Variants in LETMD1 observed in about 807,000 individuals in gnomAD.
LETMD1 encodes the protein LETM1 domain-containing protein 1.
A neutral mutation model predicts 43.9 loss-of-function variants in LETMD1; 30 were observed. That is an observed-to-expected ratio of 0.68 (90% confidence interval 0.51 to 0.93). The LOEUF is 0.93. LETMD1 is among the 40% of genes least tolerant of loss of function. The pLI, the probability that LETMD1 is intolerant of heterozygous loss-of-function variation, is 0.00. For synonymous variants in LETMD1, 176 were observed against 163.1 expected (o/e 1.08, Z -0.60); for missense variants, 413 against 447.7 (o/e 0.92, Z 0.70).
the LETMD1 span, chr12:51,067,977 G>A: frequency 1.9e-6 from 3 of 1,611,534 alleles, no homozygotes; most frequent in South Asian, 1.1e-5. The surrounding 1 kb of genome is among the most constrained non-coding windows in gnomAD (Gnocchi z 4.1). Context: ...CAGCTGCCAA[G>A]AGACAGGAAA....
At position 51,055,981 on chromosome 12, in the gene LETMD1, A is replaced by T; in HGVS notation, c.620A>T (p.Asp207Val). The T allele has an allele frequency of 6.2e-7, 1 of 1,614,186 alleles. No individual in the cohort carries two copies. The highest frequency in any genetic ancestry group is 8.5e-7 in the Non-Finnish European group (1 of 1,180,018). Residue 207 changes from aspartate (D) to valine (V), a missense_variant, in exon 5 of 9, where the codon GAT (aspartate) becomes GTT (valine). Transcript: ENST00000262055. Reference sequence around the variant, plus strand: ...GAAAAGGTCATCCCTCTCATTTCTGATGCAGGACTCCGGTGGCGTCTGACA... The same window carrying T: ...GAAAAGGTCATCCCTCTCATTTCTGTTGCAGGACTCCGGTGGCGTCTGACA... The part of the protein sequence containing the change: ...YLEKVIPLIS[D>V]AGLRWRLTDL...
At chr12:51,067,952 T>C in the LETMD1 span, 1,656 of 1,613,562 alleles carry the variant, frequency 1.0e-3, 2 homozygotes, top group Non-Finnish European at 9.3e-4. The surrounding 1 kb of genome is among the most constrained non-coding windows in gnomAD (Gnocchi z 4.1). Context: ...CCGACTCCAC[T>C]GTCCCATTCT....
chr12:51,056,610 G>T (rs1947821005), intron 7 of LETMD1, 108 bp downstream of exon 7: 9 of 912,112 alleles, frequency 9.9e-6, no homozygotes, highest in Non-Finnish European at 1.6e-5. Context: ...ATAGAACCCA[G>T]CTTCTTTATT....
At chr12:51,049,434 A>G in intron 2 of LETMD1, 1 of 398,658 alleles carries the variant, frequency 2.5e-6, no homozygotes, top group Non-Finnish European at 4.6e-6. Context: ...ATGTTCTCGT[A>G]CTTTCTTAAC....
chr12:51,048,644 T>G, intron 1 of LETMD1, 166 bp downstream of exon 1: 1 of 821,558 alleles, frequency 1.2e-6, no homozygotes, highest in Non-Finnish European at 1.9e-6. Flanking sequence ...TGACCCGGCT[T>G]CCTGACCCTC....
chr12:51,053,075 G>A (rs1401005504), intron 3 of LETMD1, among the ~76,000 whole-genome samples: 2 of 151,590 alleles, frequency 1.3e-5, no homozygotes, highest in African/African-American at 4.9e-5. Flanking sequence ...TCGCGCCACT[G>A]CACTCCAGCC....
At chr12:51,067,984 G>A in the LETMD1 span, 1 of 1,610,472 alleles carries the variant, frequency 6.2e-7, no homozygotes, top group Non-Finnish European at 8.5e-7. The surrounding 1 kb of genome is among the most constrained non-coding windows in gnomAD (Gnocchi z 4.1). Flanking sequence ...CAAGAGACAG[G>A]AAAGGTTAGC....
intron 2 of LETMD1, among the ~76,000 whole-genome samples, chr12:51,051,233 G>T (rs1264041460): frequency 6.7e-6 from 1 of 150,324 alleles, no homozygotes; most frequent in African/African-American, 2.5e-5. Flanking sequence ...GTGAAACCCA[G>T]TCTCTATTAA....
Position 51,060,278 on chromosome 12 carries a change from C to T in LETMD1, c.*847C>T, listed in dbSNP as rs915553874. 11 of 152,670 alleles carry T rather than the reference C, an allele frequency of 7.2e-5. No homozygotes were observed. The highest frequency in any genetic ancestry group is 2.7e-4 in the African/African-American group (11 of 41,448). The allele number at this position is 152,670 out of a possible 1,614,324, so 9.5% of individuals were successfully genotyped here. On this transcript the variant is annotated 3_prime_UTR_variant, in exon 9 of 9. Coordinates refer to ENST00000262055, the MANE Select transcript of LETMD1 (RefSeq NM_015416.5). Reference sequence around the variant, plus strand: ...TAATTACTGCCCAGCCTGGGGAGATCAGGAGAGGTCTGCATAGTTAGTAAG... The same window carrying T: ...TAATTACTGCCCAGCCTGGGGAGATTAGGAGAGGTCTGCATAGTTAGTAAG...
At position 51,049,175 on chromosome 12, in the gene LETMD1, C is replaced by A; in HGVS notation, c.264C>A (p.Ile88=). Residue 88 remains isoleucine (I), a synonymous_variant, in exon 2 of 9, where the codon ATC becomes ATA. Transcript: ENST00000262055. Reference sequence around the variant, plus strand: ...CCCGCTTCTATGTCCTGTACACAATCTTCATGAAAGGTAAAAACGAAACTA... The same window carrying A: ...CCCGCTTCTATGTCCTGTACACAATATTCATGAAAGGTAAAAACGAAACTA... ...HFPRFYVLYT[I]FMKGLQMLWA... 3 of 1,610,024 alleles carry A rather than the reference C, an allele frequency of 1.9e-6. No homozygotes were observed. Among genetic ancestry groups the A allele is most frequent in the Non-Finnish European group, 2.5e-6 (3 of 1,178,286 alleles).
intron 3 of LETMD1, among the ~76,000 whole-genome samples, chr12:51,053,112 CAA>C (rs35117894): frequency 1.9e-4 from 27 of 142,918 alleles, no homozygotes; most frequent in Admixed American, 4.2e-4. Context: ...AACTCTGTCT[CAA>C]AAAAAAAAAA....
At position 51,049,199 on chromosome 12, in the gene LETMD1, T is replaced by A. The variant is rs766353061; in HGVS notation, c.274+14T>A. ...TCTTCATGAAAGGTAAAAACGAAACTACAATAGAAATTCCGGAATCAGCTC... is the reference window on the plus strand; with the variant it reads ...TCTTCATGAAAGGTAAAAACGAAACAACAATAGAAATTCCGGAATCAGCTC... On this transcript the variant is annotated intron_variant, in intron 2 of 8. Coordinates refer to ENST00000262055, the MANE Select transcript of LETMD1 (RefSeq NM_015416.5). The A allele has an allele frequency of 2.5e-6, 4 of 1,602,400 alleles. No individual in the cohort carries two copies. The Admixed American group carries it at 6.9e-5, about 28-fold the overall frequency.
At chr12:51,048,728 C>G (rs1337698973) in intron 1 of LETMD1, 1 of 605,976 alleles carries the variant, frequency 1.7e-6, no homozygotes, top group East Asian at 2.8e-5. Flanking sequence ...ACTTTTTCGG[C>G]TCAGGTTTTA....
At chr12:51,060,814 A>G (rs1030523223), downstream of LETMD1, among the ~76,000 whole-genome samples, 1 of 150,070 alleles carries the variant, frequency 6.7e-6, no homozygotes, top group Non-Finnish European at 1.5e-5. Flanking sequence ...AGGCAGGAGA[A>G]TGGCGTGAAC....
chr12:51,068,043 G>T, the LETMD1 span: 1 of 1,412,776 alleles, frequency 7.1e-7, no homozygotes, highest in Non-Finnish European at 9.8e-7. Flanking sequence ...TCCCAGAGCA[G>T]CACTGTCCCT....
At chr12:51,056,774 C>G (rs949528850) in intron 7 of LETMD1, 1 of 282,078 alleles carries the variant, frequency 3.5e-6, no homozygotes, top group African/African-American at 2.3e-5. Flanking sequence ...CTACCTCAGC[C>G]TCCCAAGTAG....
At position 51,055,898 on chromosome 12, in the gene LETMD1, C is replaced by G; in HGVS notation, c.537C>G (p.Phe179Leu). ...GGACCCCAAAACAACAAACTGATTT[C>G]TTAGATATCTATCATGCTTTCCGGA... ...HFWTPKQQTD[F>L]LDIYHAFRKQ... The change falls in exon 5 of 9, where the codon TTC becomes TTG. Residue 179 changes from phenylalanine (F) to leucine (L), a missense_variant. By Grantham distance (22) the Phe-to-Leu change is conservative. Coordinates refer to ENST00000262055, the MANE Select transcript of LETMD1 (RefSeq NM_015416.5). 6.2e-7 allele frequency: 1 copy of G among 1,613,978 alleles called. No homozygotes were observed. Among genetic ancestry groups the G allele is most frequent in the Non-Finnish European group, 8.5e-7 (1 of 1,179,938 alleles).
At chr12:51,051,733 A>G (rs1368460908) in intron 2 of LETMD1, among the ~76,000 whole-genome samples, 2 of 152,164 alleles carry the variant, frequency 1.3e-5, no homozygotes, top group Non-Finnish European at 2.9e-5. Context: ...AAGTTCCAGA[A>G]AGGAGATTAA....
chr12:51,064,676 G>A (rs4768957), downstream of LETMD1: 59,562 of 1,506,764 alleles, frequency 0.04, 2,787 homozygotes, highest in Admixed American at 0.21. Context: ...CCACCTGAGC[G>A]GGGACAAGAA....
Sources: gnomAD v4.1 joint callset for allele counts (sites outside exome capture counted in the v4.1 genomes callset) on GRCh38, gnomAD v4.1.1 for gene constraint, Gnocchi (gnomAD v3.1) non-coding constraint, MANE v1.5 for transcripts, NCBI Gene and HGNC (gene_info 2026-07-23, HGNC 2026-07-21) for gene names.